Variants in ZC3H8 observed in about 807,000 individuals in gnomAD.
ZC3H8 encodes zinc finger CCCH-type containing 8.
Under a neutral mutation model 42.5 loss-of-function variants are expected in ZC3H8, and 27 were observed. The observed-to-expected ratio is 0.64, with a 90% CI of 0.47 to 0.88. ZC3H8 has a LOEUF of 0.88. Among genes scored for constraint, ZC3H8 ranks in the 40% least tolerant of loss-of-function variants. The pLI is 0.00. For synonymous variants in ZC3H8, 101 were observed against 110.1 expected, an observed-to-expected ratio of 0.92 and a Z score of 0.52; for missense variants, 277 against 336.1, an observed-to-expected ratio of 0.82 and a Z score of 1.37.
chr2:112,253,684 C>T (rs926498099), intron 1 of ZC3H8, among the ~76,000 whole-genome samples: 1 of 152,200 alleles, frequency 6.6e-6, no homozygotes, highest in Admixed American at 6.5e-5. Flanking sequence ...GTATTGCAGT[C>T]AAGTTTTGGG....
intron 4 of ZC3H8, among the ~76,000 whole-genome samples, chr2:112,235,080 A>G (rs1423750148): frequency 6.6e-6 from 1 of 152,200 alleles, no homozygotes; most frequent in Non-Finnish European, 1.5e-5. Flanking sequence ...CTTATAATAC[A>G]TTTAAGCTCT....
intron 8 of ZC3H8, among the ~76,000 whole-genome samples, chr2:112,223,259 T>C (rs1175452848): frequency 6.6e-6 from 1 of 151,062 alleles, no homozygotes; most frequent in Non-Finnish European, 1.5e-5. Context: ...AAGTATAATT[T>C]AAAAAAAGAA....
intron 8 of ZC3H8, among the ~76,000 whole-genome samples, chr2:112,230,463 G>A (rs988004063): frequency 6.6e-6 from 1 of 152,070 alleles, no homozygotes. Flanking sequence ...ATAGTAGAAT[G>A]ACCAAATAAC....
At chr2:112,250,141 G>GAA (rs536361463) in intron 2 of ZC3H8, 50 bp downstream of exon 2, 3 of 1,371,684 alleles carry the variant, frequency 2.2e-6, no homozygotes, top group South Asian at 1.4e-5. Flanking sequence ...GTGAAACTGA[G>GAA]AAAAAAAAAT....
chr2:112,214,042 G>GTTCA lies in ZC3H8; in HGVS notation c.*2438_*2441dup, dbSNP rs997340282. 6.6e-6 allele frequency: 1 copy of GTTCA among 150,656 alleles called. No homozygotes were observed. Among genetic ancestry groups the GTTCA allele is most frequent in the Non-Finnish European group, 1.5e-5 (1 of 67,772 alleles). 9.3% of individuals were successfully genotyped at this position (150,656 alleles called of 1,614,324 possible). A position where few individuals can be genotyped will look rare whatever the true frequency, so the allele number is the denominator to read the frequency against. On this transcript the variant is annotated 3_prime_UTR_variant, in exon 9 of 9. Coordinates refer to ENST00000409573, the MANE Select transcript of ZC3H8 (RefSeq NM_032494.3). ...CTCACTGCAGGCTCCGCCCCCTGGG[G>GTTCA]TTCACACCATTCTCTTGCCTCAGCC...
At position 112,234,331 on chromosome 2, in the gene ZC3H8, T is replaced by G. The variant is rs1685223159; in HGVS notation, c.505-95A>C. The G allele has an allele frequency of 8.4e-6, 8 of 947,536 alleles. No homozygotes were observed. In the East Asian group the frequency reaches 2.2e-4, roughly 26 times the overall value. The allele number at this position is 947,536 out of a possible 1,614,324, so 58.7% of individuals were successfully genotyped here. ...AATTATTTAAACCAACTTCAGAGCC[T>G]TAAAGGTGACTCTTCTAAATTGGCC... On this transcript the variant is annotated intron_variant, in intron 4 of 8. Transcript: ENST00000409573.
chr2:112,233,936 A>T (rs1309975758), intron 5 of ZC3H8, among the ~76,000 whole-genome samples, 184 bp downstream of exon 5: 1 of 152,194 alleles, frequency 6.6e-6, no homozygotes, highest in East Asian at 1.9e-4. Context: ...TCGGCCTCCC[A>T]AACTGCTGGG....
At chr2:112,231,507 TTTCC>T (rs1435355380) in intron 7 of ZC3H8, among the ~76,000 whole-genome samples, 3 of 152,200 alleles carry the variant, frequency 2.0e-5, no homozygotes, top group Non-Finnish European at 4.4e-5. Context: ...AACTTGTAAC[TTTCC>T]TTCCAAGAAT....
chr2:112,229,887 G>C lies in ZC3H8; in HGVS notation c.*15+1016C>G, dbSNP rs185355837. Among the ~76,000 whole-genome samples, 360 of 150,536 alleles carry C rather than the reference G, an allele frequency of 2.4e-3. 2 individuals are homozygous for C. Among genetic ancestry groups the C allele is most frequent in the South Asian group, 0.011 (54 of 4,748 alleles). ...CTTAAATGAGACACAAAACACAAAA[G>C]TAGGCATAAACAAAAAGATTCCCAA... is the stretch of plus-strand genomic sequence containing the variant. On this transcript the variant is annotated intron_variant, in intron 8 of 8. Transcript: ENST00000409573.
intron 1 of ZC3H8, among the ~76,000 whole-genome samples, chr2:112,252,600 T>C (rs761119139): frequency 6.6e-6 from 1 of 152,146 alleles, no homozygotes; most frequent in Non-Finnish European, 1.5e-5. Context: ...TCCTCCATGA[T>C]TGGGCTCCCC....
rs192558491 is a variant in ZC3H8 at position 112,211,609 on chromosome 2, A to G, written c.*4875T>C. 2 of 152,388 alleles carry G rather than the reference A, an allele frequency of 1.3e-5. No individual in the cohort carries two copies. The highest frequency in any genetic ancestry group is 1.9e-4 in the East Asian group (1 of 5,194). The allele number at this position is 152,388 out of a possible 1,614,324, so 9.4% of individuals were successfully genotyped here. On this transcript the variant is annotated 3_prime_UTR_variant, in exon 9 of 9. Coordinates refer to ENST00000409573, the MANE Select transcript of ZC3H8 (RefSeq NM_032494.3). ...ATAGAATCTAAATGCCACTGAATCA[A>G]TAAGATTCACCATTTCTTATGTACT...
chr2:112,231,003 A>C, intron 7 of ZC3H8, 53 bp from the exon 8 acceptor site: 1 of 1,090,792 alleles, frequency 9.2e-7, no homozygotes, highest in Non-Finnish European at 1.2e-6. Context: ...TGTGTAATTC[A>C]GGTATACTGT....
rs113691211 is a variant in ZC3H8, at chr2:112,226,405, G to A, written c.*15+4498C>T. Reference sequence around the variant, plus strand: ...AGATCAAGACCATCCTGGCTAACACGGTGAAACCCCGTCTCTACTAAAAAT... The same window carrying A: ...AGATCAAGACCATCCTGGCTAACACAGTGAAACCCCGTCTCTACTAAAAAT... On this transcript the variant is annotated intron_variant, in intron 8 of 8. Coordinates refer to ENST00000409573, the MANE Select transcript of ZC3H8 (RefSeq NM_032494.3). Among the ~76,000 whole-genome samples the A allele has an allele frequency of 9.8e-3, 1,487 of 151,664 alleles. 25 individuals carry two copies. The highest frequency in any genetic ancestry group is 0.034 in the African/African-American group (1,403 of 41,380).
At chr2:112,231,112 A>G (rs1447337474) in intron 7 of ZC3H8, among the ~76,000 whole-genome samples, 162 bp from the exon 8 acceptor site, 1 of 152,138 alleles carries the variant, frequency 6.6e-6, no homozygotes, top group East Asian at 1.9e-4. Flanking sequence ...TATTTCATAT[A>G]TATCACTTTT....
At chr2:112,236,798 G>T in intron 3 of ZC3H8, 103 bp from the exon 4 acceptor site, 1 of 1,080,516 alleles carries the variant, frequency 9.3e-7, no homozygotes, top group Non-Finnish European at 1.3e-6. Flanking sequence ...TGTAATCCCA[G>T]CTCTTTGGGA....
intron 3 of ZC3H8, 46 bp downstream of exon 3, chr2:112,238,269 T>C: frequency 6.3e-7 from 1 of 1,577,992 alleles, no homozygotes; most frequent in South Asian, 1.1e-5. Flanking sequence ...CAACTGTGAC[T>C]GCTTCTCTAG....
chr2:112,239,968 C>T (rs1255544859), intron 2 of ZC3H8, among the ~76,000 whole-genome samples: 3 of 152,164 alleles, frequency 2.0e-5, no homozygotes, highest in African/African-American at 7.2e-5. Context: ...TGAACTTGCT[C>T]CCTGCTTAAA....
intron 2 of ZC3H8, among the ~76,000 whole-genome samples, chr2:112,249,303 G>A (rs760230797): frequency 3.3e-5 from 5 of 152,174 alleles, no homozygotes; most frequent in Non-Finnish European, 5.9e-5. Flanking sequence ...ACCAAAGATT[G>A]CCAGCATTCC....
intron 8 of ZC3H8, among the ~76,000 whole-genome samples, chr2:112,222,321 GT>G (rs1489078798): frequency 6.6e-6 from 1 of 152,162 alleles, no homozygotes; most frequent in Non-Finnish European, 1.5e-5. Context: ...CAGAGTTCAG[GT>G]AGAAGTGGGA....
Sources: allele counts gnomAD v4.1 joint callset (sites outside exome capture counted in the v4.1 genomes callset), GRCh38; gene constraint gnomAD v4.1.1; transcripts MANE v1.5; gene names NCBI Gene and HGNC (gene_info 2026-07-23, HGNC 2026-07-21).